TRH: variants seen among roughly 807,000 people sequenced by gnomAD.
TRH encodes the protein thyrotropin releasing hormone.
Under a neutral mutation model 5.2 loss-of-function variants are expected in TRH, and 5 were observed. That is an observed-to-expected ratio of 0.95 (90% CI 0.50 to 2.00). The LOEUF is 2.00. Among genes scored for constraint, TRH ranks in the 30% most tolerant of loss-of-function variants. TRH has a pLI of 0.01. For synonymous variants in TRH, 131 were observed against 128.6 expected, an observed-to-expected ratio of 1.02 and a Z score of -0.13; for missense variants, 318 against 312.8, an observed-to-expected ratio of 1.02 and a Z score of -0.13.
Position 129,977,492 on chromosome 3 carries a change from A to C in TRH, c.*276A>C. 4.5e-5 allele frequency: 13 copies of C among 286,016 alleles called. No homozygotes were observed. The highest frequency in any genetic ancestry group is 5.9e-5 in the East Asian group (1 of 16,816). 17.7% of individuals were successfully genotyped at this position (286,016 alleles called of 1,614,324 possible). ...CAGAGCCCCTCTCACCCCCCCCACC[A>C]CAGGCCTGCTCCTTCCTTAGCCTTG... On this transcript the variant is annotated 3_prime_UTR_variant, in exon 3 of 3. Coordinates refer to ENST00000302649, the MANE Select transcript of TRH (RefSeq NM_007117.5).
Position 129,977,329 on chromosome 3 carries a change from C to A in TRH, c.*113C>A. ...TTAGATCCCTGACCATAAGCCTGAG[C>A]CCCTCCCTCCCAGCCCCATATTCAC... On this transcript the variant is annotated 3_prime_UTR_variant, in exon 3 of 3. Transcript: ENST00000302649. 2 of 1,317,190 alleles carry A rather than the reference C, an allele frequency of 1.5e-6. No homozygotes were observed. Among genetic ancestry groups the A allele is most frequent in the Non-Finnish European group, 9.9e-7 (1 of 1,013,368 alleles). The allele number at this position is 1,317,190 out of a possible 1,614,324, so 81.6% of individuals were successfully genotyped here. A position where few individuals can be genotyped will look rare whatever the true frequency, so the allele number is the denominator to read the frequency against.
intron 1 of TRH, 138 bp downstream of exon 1, chr3:129,974,961 CGCA>C (rs2062533844): frequency 6.6e-6 from 1 of 152,138 alleles, no homozygotes; most frequent in African/African-American, 2.4e-5. Context: ...GCGCTGTGCT[CGCA>C]CCCCCGGGTC....
chr3:129,976,665 CA>C, intron 2 of TRH, 33 bp from the exon 3 acceptor site: 1 of 1,589,698 alleles, frequency 6.3e-7, no homozygotes, highest in South Asian at 1.2e-5. Flanking sequence ...TTACATGGGT[CA>C]GGGGCCCCTC....
Position 129,976,700 on chromosome 3 carries a change from G to A in TRH, c.213G>A (p.Ala71=), listed in dbSNP as rs756305246. 18 of 1,611,040 alleles carry A rather than the reference G, an allele frequency of 1.1e-5. No individual in the cohort carries two copies. The highest frequency in any genetic ancestry group is 5.5e-5 in the South Asian group (5 of 90,920). Reference sequence around the variant, plus strand: ...TCACTGACCTCTTTCCTTCCCCAGCGTCCCAGATCTTTCAATCTGACTGGC... The same window carrying A: ...TCACTGACCTCTTTCCTTCCCCAGCATCCCAGATCTTTCAATCTGACTGGC... ...RLQGDQGEHS[A]SQIFQSDWLS... The change falls in exon 3 of 3, where the codon GCG becomes GCA. Residue 71 remains alanine, a splice_region_variant and synonymous_variant. Coordinates refer to ENST00000302649, the MANE Select transcript of TRH (RefSeq NM_007117.5).
At chr3:129,976,211 CCT>C (rs368015345) in intron 2 of TRH, among the ~76,000 whole-genome samples, 184 bp downstream of exon 2, 8 of 152,376 alleles carry the variant, frequency 5.3e-5, no homozygotes, top group Non-Finnish European at 7.3e-5. Context: ...AGATTCCTCC[CCT>C]GTCTCAATGC....
At chr3:129,975,424 CGTCGCGGCT>C (rs753919538) in intron 1 of TRH, among the ~76,000 whole-genome samples, 4 of 152,148 alleles carry the variant, frequency 2.6e-5, no homozygotes, top group Non-Finnish European at 5.9e-5. Context: ...CAACCGTTAG[CGTCGCGGCT>C]GTGCCTGGCG....
rs751604276 is a variant in TRH at position 129,976,961 on chromosome 3, G to A, written c.474G>A (p.Leu158=). 2.3e-5 allele frequency: 37 copies of A among 1,613,536 alleles called. No homozygotes were observed. In the South Asian group the frequency reaches 3.7e-4, roughly 16 times the overall value. Residue 158 remains leucine (L), a synonymous_variant, in exon 3 of 3, where the codon CTG becomes CTA. Transcript: ENST00000302649. ...AGCGGCAGCACCCAGGCAGAAGGCT[G>A]GCAGATCCCAAGGCTCAAAGGAGCT... ...VPKRQHPGRR[L]ADPKAQRSWE... is the part of the protein sequence containing the mutation.
chr3:129,976,641 C>A, intron 2 of TRH, 58 bp from the exon 3 acceptor site: 2 of 1,536,760 alleles, frequency 1.3e-6, no homozygotes, highest in Non-Finnish European at 8.8e-7. Context: ...AGTGGGCACT[C>A]AGGCGCCTGC....
Position 129,977,172 on chromosome 3 carries a change from C to G in TRH, c.685C>G (p.Pro229Ala). The G allele has an allele frequency of 1.3e-6, 2 of 1,520,336 alleles. No homozygotes were observed. The highest frequency in any genetic ancestry group is 1.8e-6 in the Non-Finnish European group (2 of 1,136,730). 94.2% of individuals were successfully genotyped at this position (1,520,336 alleles called of 1,614,324 possible). Residue 229 changes from proline (P) to alanine (A), a missense_variant, in exon 3 of 3, where the codon CCT becomes GCT. Physicochemically the swap from Pro to Ala is conservative, Grantham distance 27. Transcript: ENST00000302649. ...GGGAGCTGAGGAAAAGCGGCAGCAC[C>G]CTGGTCGGCGGGCAGCCTGGGTCAG... ...SQGAEEKRQH[P>A]GRRAAWVREP...
chr3:129,977,003 G>A lies in TRH; in HGVS notation c.516G>A (p.Glu172=), dbSNP rs1358716061. The change falls in exon 3 of 3, where the codon GAG becomes GAA. Residue 172 remains glutamate, a synonymous_variant. Transcript: ENST00000302649. The stretch of plus-strand genomic sequence containing the variant: ...AAAGGAGCTGGGAAGAAGAGGAGGA[G>A]GAGGAAGAGAGAGAGGAAGACCTGA... ...KAQRSWEEEE[E]EEEREEDLMP... 1.9e-6 allele frequency: 3 copies of A among 1,613,760 alleles called. No homozygotes were observed. The highest frequency in any genetic ancestry group is 2.5e-6 in the Non-Finnish European group (3 of 1,179,970).
At chr3:129,975,277 G>C (rs1323472894) in intron 1 of TRH, among the ~76,000 whole-genome samples, 1 of 152,210 alleles carries the variant, frequency 6.6e-6, no homozygotes, top group Non-Finnish European at 1.5e-5. Flanking sequence ...TCTTAGCTTT[G>C]CAAATAGACT....
Position 129,976,824 on chromosome 3 carries a change from C to A in TRH, c.337C>A (p.Arg113=), listed in dbSNP as rs369397884. The change falls in exon 3 of 3, where the codon CGG becomes AGG. Residue 113 remains arginine, a synonymous_variant. Transcript: ENST00000302649. Reference sequence around the variant, plus strand: ...AGGGGGGGCTGTGGGACCCCACAAACGGCAGCACCCTGGCCGACGAGAAGA... The same window carrying A: ...AGGGGGGGCTGTGGGACCCCACAAAAGGCAGCACCCTGGCCGACGAGAAGA... ...EEGGAVGPHK[R]QHPGRREDEA... is the part of the protein sequence containing the mutation. 2 of 1,614,006 alleles carry A rather than the reference C, an allele frequency of 1.2e-6. No individual in the cohort carries two copies. Among genetic ancestry groups the A allele is most frequent in the African/African-American group, 2.7e-5 (2 of 74,974 alleles).
rs1056908181 is a variant in TRH, at chr3:129,977,557, G to C, written c.*341G>C. On this transcript the variant is annotated 3_prime_UTR_variant, in exon 3 of 3. Coordinates refer to ENST00000302649, the MANE Select transcript of TRH (RefSeq NM_007117.5). ...TCTGTGTCTTGCAAAGACTCCCCAA[G>C]TGGGACAGGGAGCCCCTGGGAGGGC... 8 of 182,280 alleles carry C rather than the reference G, an allele frequency of 4.4e-5. No homozygotes were observed. Among genetic ancestry groups the C allele is most frequent in the Non-Finnish European group, 9.1e-5 (8 of 88,058 alleles). The allele number at this position is 182,280 out of a possible 1,614,324, so 11.3% of individuals were successfully genotyped here.
At chr3:129,975,768 G>A (rs1410282464) in intron 1 of TRH, 41 bp from the exon 2 acceptor site, 20 of 1,534,908 alleles carry the variant, frequency 1.3e-5, no homozygotes, top group Non-Finnish European at 1.7e-5. Context: ...GGGATGTGCT[G>A]TGATTCGGTG....
chr3:129,975,960 G>A lies in TRH; in HGVS notation c.144G>A (p.Gln48=). 1 of 1,614,174 alleles carries A rather than the reference G, an allele frequency of 6.2e-7. No individual in the cohort carries two copies. The highest frequency in any genetic ancestry group is 8.5e-7 in the Non-Finnish European group (1 of 1,180,004). ...CGGGCCTGGATGACTTCCTGCGCCA[G>A]GTGGAGCGCCTCCTCTTCCTCCGGG... ...EHPGLDDFLR[Q]VERLLFLREN... Residue 48 remains glutamine, a synonymous_variant, in exon 2 of 3, where the codon CAG becomes CAA. Coordinates refer to ENST00000302649, the MANE Select transcript of TRH (RefSeq NM_007117.5).
At chr3:129,976,610 C>G (rs1366183785) in intron 2 of TRH, 89 bp from the exon 3 acceptor site, 7 of 1,446,236 alleles carry the variant, frequency 4.8e-6, no homozygotes, top group South Asian at 2.7e-5. Flanking sequence ...GGAAATGTAC[C>G]CTGCCTGGGA....
chr3:129,976,048 G>A (rs1401761462), intron 2 of TRH, 21 bp downstream of exon 2: 2 of 1,610,206 alleles, frequency 1.2e-6, no homozygotes, highest in African/African-American at 1.3e-5. Flanking sequence ...GGGGCTGTTG[G>A]GGGCTGTGGG....
rs1560667106 is a variant in TRH, at chr3:129,976,647, C to T, written c.212-52C>T. ...AAAAGCAGGAGTGGGCACTCAGGCG[C>T]CTGCCTATTACATGGGTCAGGGGCC... On this transcript the variant is annotated intron_variant, in intron 2 of 2. Transcript: ENST00000302649. The T allele has an allele frequency of 3.2e-6, 5 of 1,547,216 alleles. 1 individual carries two copies. In the East Asian group the frequency reaches 1.1e-4, roughly 35 times the overall value.
Position 129,975,875 on chromosome 3 carries a change from C to T in TRH, c.59C>T (p.Pro20Leu). The T allele has an allele frequency of 6.2e-7, 1 of 1,612,824 alleles. No homozygotes were observed. The highest frequency in any genetic ancestry group is 2.2e-5 in the East Asian group (1 of 44,858). The change falls in exon 2 of 3, where the codon CCC becomes CTC. Residue 20 changes from proline to leucine, a missense_variant. Coordinates refer to ENST00000302649, the MANE Select transcript of TRH (RefSeq NM_007117.5). ...LALTLNLTGV[P>L]GGRAQPEAAQ... ...TTGACCCTGAACCTGACCGGTGTCC[C>T]CGGCGGCCGTGCTCAGCCAGAGGCG...
Sources: allele counts gnomAD v4.1 joint callset (sites outside exome capture counted in the v4.1 genomes callset), GRCh38; gene constraint gnomAD v4.1.1; transcripts MANE v1.5; gene names NCBI Gene and HGNC (gene_info 2026-07-23, HGNC 2026-07-21).